SNX30: variants seen among roughly 807,000 people sequenced by gnomAD.
The protein encoded by SNX30 is sorting nexin-30.
A neutral mutation model predicts 46.4 loss-of-function variants in SNX30; 24 were observed. The observed-to-expected ratio is 0.52, with a 90% CI of 0.37 to 0.73. SNX30 has a LOEUF of 0.73. Ranked by LOEUF, SNX30 falls within the 30% of genes least tolerant of loss-of-function variation. The probability of loss-of-function intolerance (pLI) is 0.00; values close to 1 mark genes in which losing one functional copy is unlikely to be tolerated. For missense variants in SNX30, 533 were observed against 555.7 expected (o/e 0.96, Z 0.41); for synonymous variants, 189 against 211.5 (o/e 0.89, Z 0.92).
chr9:112,784,552 C>T (rs750853330), intron 1 of SNX30, among the ~76,000 whole-genome samples: 5 of 152,248 alleles, frequency 3.3e-5, no homozygotes, highest in East Asian at 1.9e-4. Context: ...CACCCCTTGG[C>T]GATTTTGCTG....
chr9:112,805,714 C>T (rs1840215248), intron 2 of SNX30, among the ~76,000 whole-genome samples: 1 of 152,170 alleles, frequency 6.6e-6, no homozygotes. Flanking sequence ...GATGATCCAC[C>T]TGCCTCGGCC....
intron 7 of SNX30, among the ~76,000 whole-genome samples, chr9:112,852,495 C>T (rs1412156824): frequency 6.6e-6 from 1 of 152,132 alleles, no homozygotes; most frequent in African/African-American, 2.4e-5. Context: ...ATCCCCACCC[C>T]ACCCCACCAG....
downstream of SNX30, chr9:112,879,140 C>G (rs1422512232): frequency 6.6e-6 from 1 of 152,240 alleles, no homozygotes; most frequent in Non-Finnish European, 1.5e-5. Flanking sequence ...AGTAACAAAA[C>G]TACCCAGAAG....
intron 6 of SNX30, among the ~76,000 whole-genome samples, chr9:112,843,981 G>A (rs750194048): frequency 2.6e-5 from 4 of 152,190 alleles, no homozygotes; most frequent in Middle Eastern, 3.2e-3. Context: ...ATGACAGGAT[G>A]TGATTTTCAC....
intron 1 of SNX30, among the ~76,000 whole-genome samples, chr9:112,757,390 C>A (rs1839367806): frequency 6.6e-6 from 1 of 152,188 alleles, no homozygotes; most frequent in South Asian, 2.1e-4. Context: ...GTTTCTCTAT[C>A]TGTTCGTCCA....
chr9:112,762,191 G>A (rs1227277620), intron 1 of SNX30, among the ~76,000 whole-genome samples: 7 of 152,102 alleles, frequency 4.6e-5, no homozygotes, highest in South Asian at 2.1e-4. Flanking sequence ...GGCAGCCAGC[G>A]CAGGGATCAG....
chr9:112,775,841 A>C (rs1839738943), intron 1 of SNX30, among the ~76,000 whole-genome samples: 1 of 140,428 alleles, frequency 7.1e-6, no homozygotes, highest in Non-Finnish European at 1.5e-5. Context: ...ACCACGCTTT[A>C]CACATAACCT....
chr9:112,773,043 C>G (rs1466271980), intron 1 of SNX30, among the ~76,000 whole-genome samples: 1 of 152,230 alleles, frequency 6.6e-6, no homozygotes, highest in Non-Finnish European at 1.5e-5. Context: ...ATACTTACCA[C>G]CTCTTGTTCC....
At chr9:112,883,168 G>A (rs563533112), downstream of SNX30, among the ~76,000 whole-genome samples, 2 of 152,318 alleles carry the variant, frequency 1.3e-5, no homozygotes, top group African/African-American at 4.8e-5. Context: ...TGAGAAGAAA[G>A]TGAATGGGAG....
intron 1 of SNX30, among the ~76,000 whole-genome samples, chr9:112,770,045 C>T (rs1021867472): frequency 1.3e-5 from 2 of 152,124 alleles, no homozygotes; most frequent in African/African-American, 2.4e-5. Flanking sequence ...CTGTACCAGC[C>T]GCCTGACTCG....
At chr9:112,839,615 G>A (rs1840822655) in intron 6 of SNX30, among the ~76,000 whole-genome samples, 1 of 152,196 alleles carries the variant, frequency 6.6e-6, no homozygotes, top group Admixed American at 6.5e-5. Flanking sequence ...AGGAGACTCC[G>A]ACGATGGGGG....
chr9:112,819,266 C>CTTTTTTTTTTTTTTTT (rs35138610), intron 3 of SNX30, among the ~76,000 whole-genome samples: 1 of 117,026 alleles, frequency 8.5e-6, no homozygotes, highest in Non-Finnish European at 1.7e-5. Flanking sequence ...TTCTTTCTTT[C>CTTTTTTTTTTTTTTTT]TTTTTTTTTT....
At chr9:112,819,034 G>C (rs113594329) in intron 3 of SNX30, among the ~76,000 whole-genome samples, 1,958 of 152,242 alleles carry the variant, frequency 0.013, 54 homozygotes, top group African/African-American at 0.044. Flanking sequence ...TCTTAAGGTG[G>C]CAAAATAGGC....
chr9:112,867,927 A>G (rs915074472), intron 8 of SNX30, among the ~76,000 whole-genome samples: 2 of 152,218 alleles, frequency 1.3e-5, no homozygotes, highest in African/African-American at 4.8e-5. Context: ...TATGCAAGAG[A>G]CTTTCCAAAG....
chr9:112,761,690 G>A (rs1839438767), intron 1 of SNX30, among the ~76,000 whole-genome samples: 1 of 152,088 alleles, frequency 6.6e-6, no homozygotes, highest in South Asian at 2.1e-4. Flanking sequence ...TTGAGAGGGG[G>A]GCGCAGACCG....
intron 1 of SNX30, among the ~76,000 whole-genome samples, chr9:112,758,359 T>A (rs1839383228): frequency 1.3e-5 from 2 of 152,104 alleles, no homozygotes; most frequent in African/African-American, 4.8e-5. Flanking sequence ...AGACAGTATC[T>A]GGCTTTGTCA....
intron 1 of SNX30, among the ~76,000 whole-genome samples, chr9:112,785,462 C>T (rs1032440912): frequency 6.6e-6 from 1 of 150,914 alleles, no homozygotes; most frequent in Non-Finnish European, 1.5e-5. Flanking sequence ...CGGCTCACTG[C>T]AACCTCTGCC....
Position 112,864,259 on chromosome 9 carries a change from G to A in SNX30, c.1114G>A (p.Val372Ile), listed in dbSNP as rs370780169. ...CTCCCTTTTCCAGGTACCGGCGGAC[G>A]TCGAGAAATGTCAGGATCGGATGGA... ...KEDRPKVPAD[V>I]EKCQDRMECF... The change falls in exon 8 of 9, where the codon GTC becomes ATC. Residue 372 changes from valine (V) to isoleucine (I), a missense_variant. By Grantham distance (29) the Val-to-Ile change is conservative. Coordinates refer to ENST00000374232, the MANE Select transcript of SNX30 (RefSeq NM_001012994.2). 1.8e-5 allele frequency: 29 copies of A among 1,614,022 alleles called. No homozygotes were observed. The highest frequency in any genetic ancestry group is 5.3e-5 in the African/African-American group (4 of 75,054).
chr9:112,752,492 C>T (rs183186898), intron 1 of SNX30, among the ~76,000 whole-genome samples: 6 of 152,238 alleles, frequency 3.9e-5, no homozygotes, highest in East Asian at 3.9e-4. Context: ...GTAATCCAGG[C>T]TACTCAGGAG....
Sources: gnomAD v4.1 joint callset for allele counts (sites outside exome capture counted in the v4.1 genomes callset) on GRCh38, gnomAD v4.1.1 for gene constraint, MANE v1.5 for transcripts, NCBI Gene and HGNC (gene_info 2026-07-23, HGNC 2026-07-21) for gene names.